Variants in LRR1 observed in about 807,000 individuals in gnomAD.
The protein encoded by LRR1 is leucine-rich repeat protein 1.
A neutral mutation model predicts 31.6 loss-of-function variants in LRR1; 29 were observed. The ratio of observed to expected loss-of-function variants is 0.92; its 90% confidence interval spans 0.68 to 1.25. The LOEUF (loss-of-function observed/expected upper bound fraction) is 1.25, where lower values mean the gene tolerates loss of function less well. Ranked by LOEUF, LRR1 falls within the 50% of genes most tolerant of loss-of-function variation. The probability of loss-of-function intolerance (pLI) is 0.00; values close to 1 mark genes in which losing one functional copy is unlikely to be tolerated. For synonymous variants in LRR1, 179 were observed against 181.4 expected, an observed-to-expected ratio of 0.99 and a Z score of 0.10; for missense variants, 485 against 487.2, an observed-to-expected ratio of 1.00 and a Z score of 0.04.
intron 1 of LRR1, chr14:49,600,134 A>C (rs1881994967): frequency 6.4e-7 from 1 of 1,555,638 alleles, no homozygotes; most frequent in Non-Finnish European, 8.9e-7. Flanking sequence ...ACCACTACAC[A>C]GTCAGCGTCA....
At chr14:49,601,543 A>T (rs1566491340) in intron 1 of LRR1, 1 of 1,067,686 alleles carries the variant, frequency 9.4e-7, no homozygotes, top group Non-Finnish European at 1.3e-6. Context: ...TCGTTCTAGC[A>T]CTCAGGATAG....
chr14:49,607,664 G>C lies in LRR1; in HGVS notation c.547G>C (p.Asp183His). 1 of 1,613,698 alleles carries C rather than the reference G, an allele frequency of 6.2e-7. No individual in the cohort carries two copies. Among genetic ancestry groups the C allele is most frequent in the African/African-American group, 1.3e-5 (1 of 74,960 alleles). ...TTGCTTAAAAAGCCTTAGGAAATTA[G>C]ACTTGAGTCACAACCATATAAAAAA... ...MLCLKSLRKL[D>H]LSHNHIKKLP... Residue 183 changes from aspartate (D) to histidine (H), a missense_variant, in exon 3 of 4, where the codon GAC becomes CAC. Physicochemically the swap from Asp to His is moderately conservative, Grantham distance 81. This residue lies in a region of LRR1 where 260 missense variants were observed against 249.6 expected (regional missense o/e 1.04). Transcript: ENST00000298288.
chr14:49,608,606 A>G (rs1249371038), intron 3 of LRR1, among the ~76,000 whole-genome samples: 1 of 151,450 alleles, frequency 6.6e-6, no homozygotes, highest in Non-Finnish European at 1.5e-5. Context: ...TGCTCCTAGC[A>G]TATATTAAGC....
rs140598973 is a variant in LRR1 at position 49,602,771 on chromosome 14, T to G, written c.282+303T>G. Among the ~76,000 whole-genome samples the G allele has an allele frequency of 1.4e-3, 206 of 152,290 alleles. 1 individual carries two copies. The highest frequency in any genetic ancestry group is 4.3e-3 in the African/African-American group (179 of 41,574). ...GCCTCAGCCTCCCAAAGTGTTGGGA[T>G]TATAAGCATGAGCCACCATACTTGG... On this transcript the variant is annotated intron_variant, in intron 2 of 3. Transcript: ENST00000298288.
At chr14:49,602,135 A>G (rs548597939) in intron 1 of LRR1, among the ~76,000 whole-genome samples, 2 of 142,456 alleles carry the variant, frequency 1.4e-5, no homozygotes, top group Non-Finnish European at 3.0e-5. Flanking sequence ...CTCAAAAAAA[A>G]ACAACTTTTT....
rs1460880241 is a variant in LRR1, at chr14:49,614,392, C to T, written c.1141C>T (p.His381Tyr). The change falls in exon 4 of 4, where the codon CAC becomes TAC. Residue 381 changes from histidine to tyrosine, a missense_variant. Coordinates refer to ENST00000298288, the MANE Select transcript of LRR1 (RefSeq NM_152329.4). ...TACCATGAATCTGCATTCTGTTGCC[C>T]ACACTGTGGTCTTAGTAGATAATTT... ...TTTMNLHSVA[H>Y]TVVLVDNLGG... is the part of the protein sequence containing the mutation. 1 of 1,613,906 alleles carries T rather than the reference C, an allele frequency of 6.2e-7. No individual in the cohort carries two copies. The highest frequency in any genetic ancestry group is 1.3e-5 in the African/African-American group (1 of 74,908).
chr14:49,603,414 G>C (rs1469231317), intron 2 of LRR1: 1 of 181,448 alleles, frequency 5.5e-6, no homozygotes, highest in Non-Finnish European at 1.1e-5. Flanking sequence ...TCTACATTTT[G>C]CCAGCTAAAC....
At chr14:49,601,336 T>C (rs915051259) in intron 1 of LRR1, among the ~76,000 whole-genome samples, 1 of 152,214 alleles carries the variant, frequency 6.6e-6, no homozygotes, top group South Asian at 2.1e-4. Flanking sequence ...TAAGTGTAGT[T>C]ACCCTGTCAG....
intron 3 of LRR1, chr14:49,612,540 T>C (rs1445867205): frequency 8.1e-6 from 10 of 1,232,008 alleles, no homozygotes; most frequent in Non-Finnish European, 1.0e-5. Flanking sequence ...TTTTAAAAAA[T>C]GGTTACTTAA....
chr14:49,612,377 C>A, intron 3 of LRR1: 1 of 842,614 alleles, frequency 1.2e-6, no homozygotes, highest in Non-Finnish European at 1.5e-6. Flanking sequence ...TGGTTACAAG[C>A]ATACAGTTAT....
intron 1 of LRR1, among the ~76,000 whole-genome samples, chr14:49,601,816 T>TAAAAAAAAAAAAAAAAAAAAAAAAAAA (rs11319854): frequency 1.1e-5 from 1 of 90,746 alleles, no homozygotes; most frequent in Non-Finnish European, 2.1e-5. Flanking sequence ...TCCCAACTGC[T>TAAAAAAAAAAAAAAAAAAAAAAAAAAA]AAAAAAAAAA....
At chr14:49,611,125 C>T (rs1022809425) in intron 3 of LRR1, among the ~76,000 whole-genome samples, 1 of 152,146 alleles carries the variant, frequency 6.6e-6, no homozygotes, top group Admixed American at 6.5e-5. Flanking sequence ...AGAACTCTTA[C>T]TCTAAACCAA....
At chr14:49,602,984 C>T (rs977627392) in intron 2 of LRR1, among the ~76,000 whole-genome samples, 3 of 150,796 alleles carry the variant, frequency 2.0e-5, no homozygotes, top group Non-Finnish European at 2.9e-5. Flanking sequence ...TACAGACACC[C>T]ACCACCATGC....
chr14:49,603,430 G>T lies in LRR1; in HGVS notation c.282+962G>T, dbSNP rs376811453. 3.1e-4 allele frequency: 67 copies of T among 213,606 alleles called. No individual in the cohort carries two copies. In the South Asian group the frequency reaches 6.0e-3, roughly 19 times the overall value. 13.2% of individuals were successfully genotyped at this position (213,606 alleles called of 1,614,324 possible). A position where few individuals can be genotyped will look rare whatever the true frequency, so the allele number is the denominator to read the frequency against. On this transcript the variant is annotated intron_variant, in intron 2 of 3. Coordinates refer to ENST00000298288, the MANE Select transcript of LRR1 (RefSeq NM_152329.4). ...CTACATTTTGCCAGCTAAACCACAGGTTACAAATCTAAGTTTGTTGTAATA... is the reference window on the plus strand; with the variant it reads ...CTACATTTTGCCAGCTAAACCACAGTTTACAAATCTAAGTTTGTTGTAATA...
chr14:49,614,065 G>A (rs748695765), intron 3 of LRR1, among the ~76,000 whole-genome samples, 191 bp from the exon 4 acceptor site: 28 of 152,280 alleles, frequency 1.8e-4, no homozygotes, highest in Middle Eastern at 6.8e-3. Flanking sequence ...CTATTAAGTG[G>A]TTGTGCTGGA....
intron 3 of LRR1, 70 bp from the exon 4 acceptor site, chr14:49,614,186 C>T (rs1882613312): frequency 1.4e-6 from 2 of 1,453,094 alleles, no homozygotes; most frequent in South Asian, 1.3e-5. Context: ...GTTAAAATTC[C>T]ATGTCCTAAT....
At chr14:49,609,598 G>A (rs924760326) in intron 3 of LRR1, among the ~76,000 whole-genome samples, 1 of 151,384 alleles carries the variant, frequency 6.6e-6, no homozygotes, top group East Asian at 2.0e-4. Context: ...TAGTAGAGAC[G>A]GAGTTTTACT....
At chr14:49,611,681 G>A (rs1360602374) in intron 3 of LRR1, among the ~76,000 whole-genome samples, 1 of 152,178 alleles carries the variant, frequency 6.6e-6, no homozygotes, top group Non-Finnish European at 1.5e-5. Flanking sequence ...CCAGCACTTT[G>A]GGAGGTCGAG....
intron 3 of LRR1, among the ~76,000 whole-genome samples, chr14:49,609,740 C>G (rs1882442844): frequency 6.7e-6 from 1 of 149,294 alleles, no homozygotes; most frequent in Admixed American, 6.7e-5. Flanking sequence ...GAGTCTTGTT[C>G]TGTCGCCCAG....
Sources: gnomAD v4.1 joint callset for allele counts (sites outside exome capture counted in the v4.1 genomes callset) on GRCh38, gnomAD v4.1.1 for gene constraint, gnomAD v4.1.1 regional missense constraint, MANE v1.5 for transcripts, NCBI Gene and HGNC (gene_info 2026-07-23, HGNC 2026-07-21) for gene names.